Variants in PELI2 observed in about 807,000 individuals in gnomAD.
PELI2 encodes pellino E3 ubiquitin protein ligase family member 2.
Under a neutral mutation model 42.3 loss-of-function variants are expected in PELI2, and 23 were observed. The observed-to-expected ratio is 0.54, with a 90% CI of 0.39 to 0.77. PELI2 has a LOEUF of 0.77. Ranked by LOEUF, PELI2 falls within the 30% of genes least tolerant of loss-of-function variation. The probability of loss-of-function intolerance (pLI) is 0.00; values close to 1 mark genes in which losing one functional copy is unlikely to be tolerated. For missense variants in PELI2, 463 were observed against 553.2 expected (o/e 0.84, Z 1.64); for synonymous variants, 245 against 212.2 (o/e 1.15, Z -1.34).
chr14:56,222,678 C>T (rs1435904904), intron 2 of PELI2, among the ~76,000 whole-genome samples: 2 of 152,196 alleles, frequency 1.3e-5, no homozygotes, highest in African/African-American at 4.8e-5. Flanking sequence ...CTAGTTTGTA[C>T]ATATTAGAAA....
chr14:56,152,010 A>G (rs1188791762), intron 1 of PELI2, among the ~76,000 whole-genome samples: 1 of 152,184 alleles, frequency 6.6e-6, no homozygotes, highest in Non-Finnish European at 1.5e-5. Flanking sequence ...ACTCCCAGGT[A>G]GTTGGTCCCA....
At chr14:56,163,239 G>T (rs1367519386) in intron 1 of PELI2, among the ~76,000 whole-genome samples, 2 of 152,074 alleles carry the variant, frequency 1.3e-5, no homozygotes, top group African/African-American at 2.4e-5. Flanking sequence ...AATGCATTTT[G>T]ATTTGATTTT....
intron 2 of PELI2, among the ~76,000 whole-genome samples, chr14:56,249,414 C>A (rs756070867): frequency 1.3e-5 from 2 of 152,142 alleles, no homozygotes; most frequent in African/African-American, 4.8e-5. Context: ...CCTCTCCTCC[C>A]CCAGATAACG....
At chr14:56,189,930 A>G (rs1885899273) in intron 2 of PELI2, among the ~76,000 whole-genome samples, 2 of 152,246 alleles carry the variant, frequency 1.3e-5, no homozygotes, top group South Asian at 2.1e-4. Flanking sequence ...TCACAGGAGA[A>G]TGTACTTACC....
At chr14:56,293,030 A>AC in intron 5 of PELI2, 1 of 157,746 alleles carries the variant, frequency 6.3e-6, no homozygotes, top group Non-Finnish European at 1.4e-5. Context: ...ACCATAGCGT[A>AC]GCTATGGTCA....
chr14:56,292,853 T>C, intron 5 of PELI2: 2 of 939,170 alleles, frequency 2.1e-6, no homozygotes, highest in Non-Finnish European at 2.5e-6. Flanking sequence ...TTTTAGCTAG[T>C]TAATGATAAC....
intron 2 of PELI2, among the ~76,000 whole-genome samples, chr14:56,195,098 G>T (rs1464241924): frequency 1.3e-5 from 2 of 152,180 alleles, no homozygotes; most frequent in East Asian, 3.8e-4. Context: ...TGTTTCTACA[G>T]CTGTTAGTGA....
rs77832040 is a variant in PELI2, at chr14:56,259,592, G to A, written c.208-20084G>A. ...ACAGAAAGTACTGGATAAGTTAAAC[G>A]TTCATTATAAAATCTCTCAGGAAAC... On this transcript the variant is annotated intron_variant, in intron 2 of 5. Transcript: ENST00000267460. 7.5e-3 allele frequency among the ~76,000 whole-genome samples: 1,135 copies of A among 152,176 alleles called. 16 individuals carry two copies. Among genetic ancestry groups the A allele is most frequent in the African/African-American group, 0.026 (1,092 of 41,548 alleles).
At chr14:56,259,031 AG>A (rs1210202767) in intron 2 of PELI2, among the ~76,000 whole-genome samples, 2 of 152,162 alleles carry the variant, frequency 1.3e-5, no homozygotes, top group African/African-American at 4.8e-5. Flanking sequence ...ACTGCAAGTC[AG>A]AAGACCATGG....
At chr14:56,282,200 A>G (rs536883786) in intron 3 of PELI2, among the ~76,000 whole-genome samples, 1 of 152,120 alleles carries the variant, frequency 6.6e-6, no homozygotes, top group Non-Finnish European at 1.5e-5. Flanking sequence ...GGGTACAGCT[A>G]TACAGTGGAG....
intron 2 of PELI2, among the ~76,000 whole-genome samples, chr14:56,254,322 C>T (rs1392419277): frequency 6.6e-6 from 1 of 150,458 alleles, no homozygotes; most frequent in East Asian, 2.0e-4. Context: ...TTGCTTGAAC[C>T]TGGGAGGCAG....
At chr14:56,122,149 A>G (rs76188518) in intron 1 of PELI2, among the ~76,000 whole-genome samples, 3,197 of 152,238 alleles carry the variant, frequency 0.021, 121 homozygotes, top group African/African-American at 0.074. Flanking sequence ...CATTAGGGGA[A>G]ATTCCTAATG....
At chr14:56,267,080 A>G (rs1594699038) in intron 2 of PELI2, among the ~76,000 whole-genome samples, 1 of 152,178 alleles carries the variant, frequency 6.6e-6, no homozygotes, top group African/African-American at 2.4e-5. Context: ...GTGATAGAAG[A>G]TTGGAATTGG....
chr14:56,191,372 G>A (rs1232461603), intron 2 of PELI2, among the ~76,000 whole-genome samples: 3 of 152,204 alleles, frequency 2.0e-5, no homozygotes, highest in Non-Finnish European at 4.4e-5. Flanking sequence ...CTTCTCATTT[G>A]TGAAAGTTCA....
intron 3 of PELI2, among the ~76,000 whole-genome samples, chr14:56,283,687 C>T (rs546792980): frequency 6.6e-6 from 1 of 152,280 alleles, no homozygotes; most frequent in East Asian, 1.9e-4. Flanking sequence ...GCATTAGGGG[C>T]AGAGCTAAGA....
rs140002673 is a variant in PELI2 at position 56,254,285 on chromosome 14, G to A, written c.208-25391G>A. On this transcript the variant is annotated intron_variant, in intron 2 of 5. Transcript: ENST00000267460. ...ATGGTGGTGCACACCTGTAGTCCCA[G>A]CTATTCGGAAGGCTGGGGCAGGAGA... 5.9e-3 allele frequency among the ~76,000 whole-genome samples: 904 copies of A among 152,040 alleles called. 10 individuals are homozygous for A. The highest frequency in any genetic ancestry group is 0.02 in the African/African-American group (822 of 41,470).
chr14:56,232,152 G>A (rs572555252), intron 2 of PELI2, among the ~76,000 whole-genome samples: 15 of 152,216 alleles, frequency 9.9e-5, no homozygotes, highest in Admixed American at 2.6e-4. Context: ...AGGACCAGAA[G>A]GATTCACAGC....
At chr14:56,167,465 C>A (rs1025610709) in intron 1 of PELI2, among the ~76,000 whole-genome samples, 5 of 152,150 alleles carry the variant, frequency 3.3e-5, no homozygotes, top group Non-Finnish European at 7.3e-5. Context: ...GACTCTGATG[C>A]ATTCTTCAGT....
intron 2 of PELI2, among the ~76,000 whole-genome samples, chr14:56,198,458 G>T (rs1050972736): frequency 6.6e-6 from 1 of 152,212 alleles, no homozygotes; most frequent in African/African-American, 2.4e-5. Flanking sequence ...GCAGACTGGA[G>T]TAGCTGACAA....
Sources: allele counts gnomAD v4.1 joint callset (sites outside exome capture counted in the v4.1 genomes callset), GRCh38; gene constraint gnomAD v4.1.1; transcripts MANE v1.5; gene names NCBI Gene and HGNC (gene_info 2026-07-23, HGNC 2026-07-21).